Variants in LTBP2 observed in about 807,000 individuals in gnomAD.
LTBP2 encodes latent-transforming growth factor beta-binding protein 2.
Under a neutral mutation model 210.6 loss-of-function variants are expected in LTBP2, and 103 were observed. That is an observed-to-expected ratio of 0.49 (90% confidence interval 0.42 to 0.58). The LOEUF is 0.58. Among genes scored for constraint, LTBP2 ranks in the 20% least tolerant of loss-of-function variants. The pLI, the probability that LTBP2 is intolerant of heterozygous loss-of-function variation, is 0.00. For synonymous variants in LTBP2, 1,007 were observed against 1,015.0 expected (o/e 0.99, Z 0.15); for missense variants, 2,313 against 2,494.5 (o/e 0.93, Z 1.55).
At chr14:74,543,566 C>T (rs1037862133) in intron 8 of LTBP2, among the ~76,000 whole-genome samples, 5 of 150,828 alleles carry the variant, frequency 3.3e-5, no homozygotes, top group South Asian at 4.2e-4. Context: ...TCCTTCCTCC[C>T]TTCCTTCCCC....
chr14:74,546,658 G>T (rs149688322), intron 8 of LTBP2, among the ~76,000 whole-genome samples: 1 of 152,208 alleles, frequency 6.6e-6, no homozygotes, highest in Non-Finnish European at 1.5e-5. Context: ...AGGGCTGAGC[G>T]TTGGGTGTGT....
chr14:74,599,056 C>G lies in LTBP2; in HGVS notation c.565+4579G>C, dbSNP rs2088409767. On this transcript the variant is annotated intron_variant, in intron 2 of 35. Coordinates refer to ENST00000261978, the MANE Select transcript of LTBP2 (RefSeq NM_000428.3). ...CAATATGAAGTGCTTAGAATGGTAC[C>G]TGGTGCACAGTAAGAGCTATCGCGT... Among the ~76,000 whole-genome samples the G allele has an allele frequency of 2.0e-5, 3 of 152,190 alleles. No homozygotes were observed. The South Asian group carries it at 6.2e-4, about 32-fold the overall frequency.
chr14:74,502,142 G>T (rs373560588), intron 34 of LTBP2, among the ~76,000 whole-genome samples: 1 of 152,082 alleles, frequency 6.6e-6, no homozygotes, highest in African/African-American at 2.4e-5. Flanking sequence ...GCCTGTGGTG[G>T]GTACCGTGTG....
chr14:74,549,454 G>C (rs2087619971), intron 8 of LTBP2, among the ~76,000 whole-genome samples: 1 of 152,224 alleles, frequency 6.6e-6, no homozygotes, highest in Admixed American at 6.5e-5. Context: ...CAGGGAGGCT[G>C]GAACAGGAGG....
Position 74,522,015 on chromosome 14 carries a change from G to A in LTBP2, c.2684C>T (p.Pro895Leu). 6.2e-7 allele frequency: 1 copy of A among 1,613,600 alleles called. No homozygotes were observed. Among genetic ancestry groups the A allele is most frequent in the Non-Finnish European group, 8.5e-7 (1 of 1,179,746 alleles). ...GATGCAGCGCCCTTTTCCCTTGCAG[G>A]GGTCCCTCAGACACTCGTTGTCATC... ...CTDDNECLRD[P>L]CKGKGRCINR... Residue 895 changes from proline (P) to leucine (L), a missense_variant, in exon 17 of 36, where the codon CCC becomes CTC. Pro to Leu is a moderately conservative substitution (Grantham distance 98). This residue lies in a region of LTBP2 where 1,867 missense variants were observed against 1,976.9 expected (regional missense o/e 0.94). Coordinates refer to ENST00000261978, the MANE Select transcript of LTBP2 (RefSeq NM_000428.3).
In LTBP2 at chr14:74,500,288, ATCT is replaced by A. The variant is rs2086895290; in HGVS notation, c.*593_*595del. 1 of 241,522 alleles carries A rather than the reference ATCT, an allele frequency of 4.1e-6. No individual in the cohort carries two copies. Among genetic ancestry groups the A allele is most frequent in the Non-Finnish European group, 8.2e-6 (1 of 122,534 alleles). The allele number at this position is 241,522 out of a possible 1,614,324, so 15.0% of individuals were successfully genotyped here. A position where few individuals can be genotyped will look rare whatever the true frequency, so the allele number is the denominator to read the frequency against. ...CAGCCTTGCTTCTCTGAGTGAAGGG[ATCT>A]TCTGCCACTCCTTGGGGTCAGAGAA... On this transcript the variant is annotated 3_prime_UTR_variant, in exon 36 of 36. Transcript: ENST00000261978.
chr14:74,579,854 T>C (rs1163375010), intron 3 of LTBP2, among the ~76,000 whole-genome samples: 2 of 152,120 alleles, frequency 1.3e-5, no homozygotes, highest in Non-Finnish European at 2.9e-5. Flanking sequence ...TAGGGAGTTG[T>C]GAGATGTAAA....
At chr14:74,516,696 C>T (rs555811063) in intron 18 of LTBP2, 126 bp downstream of exon 18, 26 of 1,270,240 alleles carry the variant, frequency 2.0e-5, no homozygotes, top group South Asian at 2.0e-4. Flanking sequence ...TGTCCATAGA[C>T]GTGGGCTCAG....
intron 9 of LTBP2, 36 bp from the exon 10 acceptor site, chr14:74,532,584 C>T (rs1236488945): frequency 6.2e-7 from 1 of 1,611,998 alleles, no homozygotes; most frequent in East Asian, 2.2e-5. Flanking sequence ...GTGCCCGCCC[C>T]ACGGAGGCCT....
chr14:74,526,156 G>A lies in LTBP2; in HGVS notation c.2389-42C>T, dbSNP rs377530698. On this transcript the variant is annotated intron_variant, in intron 13 of 35. Coordinates refer to ENST00000261978, the MANE Select transcript of LTBP2 (RefSeq NM_000428.3). ...GAAGGTCACTTTTGGCTCCTCTGCC[G>A]TACCTGTGATGTGCCACCTTCCACC... The A allele has an allele frequency of 2.0e-4, 307 of 1,571,268 alleles. 1 individual carries two copies. The highest frequency in any genetic ancestry group is 2.3e-4 in the Non-Finnish European group (271 of 1,156,444).
At chr14:74,510,057 C>A in intron 20 of LTBP2, 34 bp downstream of exon 20, 3 of 1,613,828 alleles carry the variant, frequency 1.9e-6, no homozygotes, top group Non-Finnish European at 2.5e-6. Flanking sequence ...GCTGGATCGG[C>A]CTGCGGAGAA....
intron 1 of LTBP2, among the ~76,000 whole-genome samples, chr14:74,606,174 C>T (rs1335224076): frequency 6.6e-6 from 1 of 152,208 alleles, no homozygotes; most frequent in African/African-American, 2.4e-5. Flanking sequence ...TCCAGCATCA[C>T]TGTAGGGAAC....
At chr14:74,525,257 G>A (rs1305027143) in intron 14 of LTBP2, 32 bp from the exon 15 acceptor site, 2 of 1,226,006 alleles carry the variant, frequency 1.6e-6, no homozygotes. Context: ...AGGTGGGGTT[G>A]TGGCCCCTTG....
chr14:74,610,380 G>T (rs947535136), intron 1 of LTBP2, among the ~76,000 whole-genome samples: 2 of 152,080 alleles, frequency 1.3e-5, no homozygotes, highest in African/African-American at 4.8e-5. Flanking sequence ...AAAACAGAGC[G>T]CCAAGGAAAA....
chr14:74,590,810 A>G (rs929660158), intron 2 of LTBP2, among the ~76,000 whole-genome samples: 1 of 152,102 alleles, frequency 6.6e-6, no homozygotes, highest in African/African-American at 2.4e-5. Flanking sequence ...GAAAAGGCAT[A>G]CAGAGTGATA....
intron 18 of LTBP2, among the ~76,000 whole-genome samples, chr14:74,516,094 C>T (rs545804234): frequency 2.6e-5 from 4 of 152,350 alleles, no homozygotes; most frequent in Admixed American, 2.6e-4. Flanking sequence ...AGCCTAAGCT[C>T]GGACCCAGGG....
intron 1 of LTBP2, among the ~76,000 whole-genome samples, chr14:74,607,361 T>C (rs1566658643): frequency 1.3e-5 from 2 of 152,224 alleles, no homozygotes; most frequent in South Asian, 2.1e-4. Flanking sequence ...CCTACAGTTA[T>C]CTTCTCTTTA....
chr14:74,549,843 C>T lies in LTBP2; in HGVS notation c.1789+20G>A, dbSNP rs1179880093. On this transcript the variant is annotated intron_variant, in intron 8 of 35. Coordinates refer to ENST00000261978, the MANE Select transcript of LTBP2 (RefSeq NM_000428.3). ...GGAGAGCTTCCTCCACAACACGTGA[C>T]CTTGGACTCCAGCACTCACCTGGTC... is the stretch of plus-strand genomic sequence containing the variant. 1 of 1,602,784 alleles carries T rather than the reference C, an allele frequency of 6.2e-7. No homozygotes were observed. The highest frequency in any genetic ancestry group is 8.5e-7 in the Non-Finnish European group (1 of 1,169,696).
At chr14:74,539,130 T>C (rs777888924) in intron 8 of LTBP2, among the ~76,000 whole-genome samples, 3 of 152,246 alleles carry the variant, frequency 2.0e-5, no homozygotes, top group Non-Finnish European at 2.9e-5. Flanking sequence ...TGCAAGGCCA[T>C]GGGTACACAT....
Sources: allele counts gnomAD v4.1 joint callset (sites outside exome capture counted in the v4.1 genomes callset), GRCh38; gene constraint gnomAD v4.1.1; regional missense constraint gnomAD v4.1.1; transcripts MANE v1.5; gene names NCBI Gene and HGNC (gene_info 2026-07-23, HGNC 2026-07-21).